Variants in UBE2E2 observed in about 807,000 individuals in gnomAD.
UBE2E2 encodes the protein ubiquitin conjugating enzyme E2 E2.
Under a neutral mutation model 24.7 loss-of-function variants are expected in UBE2E2, and 6 were observed. That is an observed-to-expected ratio of 0.24 (90% CI 0.13 to 0.48). The LOEUF is 0.48. Among genes scored for constraint, UBE2E2 ranks in the 20% least tolerant of loss-of-function variants. The pLI is 0.99. For missense variants in UBE2E2, 169 were observed against 245.0 expected (o/e 0.69, Z 2.07); for synonymous variants, 104 against 83.6 (o/e 1.24, Z -1.33).
At chr3:23,221,727 C>T (rs1696650114) in intron 3 of UBE2E2, among the ~76,000 whole-genome samples, 1 of 152,044 alleles carries the variant, frequency 6.6e-6, no homozygotes, top group African/African-American at 2.4e-5. Context: ...AGCTCCACCT[C>T]CTGGATTCAA....
intron 3 of UBE2E2, among the ~76,000 whole-genome samples, chr3:23,459,445 T>G (rs1698760035): frequency 6.6e-6 from 1 of 152,228 alleles, no homozygotes; most frequent in South Asian, 2.1e-4. Flanking sequence ...TTTTGAGAAC[T>G]TTTAGCTCTT....
chr3:23,208,512 A>G (rs1182602860), intron 1 of UBE2E2, among the ~76,000 whole-genome samples, 180 bp from the exon 2 acceptor site: 2 of 152,200 alleles, frequency 1.3e-5, no homozygotes, highest in Admixed American at 6.5e-5. Flanking sequence ...TTTAGAATAC[A>G]TTTTGAATGG....
intron 5 of UBE2E2, among the ~76,000 whole-genome samples, chr3:23,558,642 A>G (rs1370675907): frequency 6.6e-6 from 1 of 152,168 alleles, no homozygotes; most frequent in African/African-American, 2.4e-5. Flanking sequence ...GGGAGGCATG[A>G]CATATACCAA....
rs78627378 is a variant in UBE2E2 at position 23,288,114 on chromosome 3, A to G, written c.227+70802A>G. On this transcript the variant is annotated intron_variant, in intron 3 of 5. Coordinates refer to ENST00000396703, the MANE Select transcript of UBE2E2 (RefSeq NM_152653.4). ...TTTGCTACATCCTATAGGTTTTGCT[A>G]TGTTGTTTTTCCATTATCATTTGTT... Among the ~76,000 whole-genome samples the G allele has an allele frequency of 7.8e-3, 1,190 of 152,050 alleles. 13 individuals carry two copies. The highest frequency in any genetic ancestry group is 0.026 in the African/African-American group (1,081 of 41,492).
intron 3 of UBE2E2, among the ~76,000 whole-genome samples, chr3:23,325,440 G>T (rs1575561810): frequency 6.6e-6 from 1 of 152,246 alleles, no homozygotes; most frequent in Non-Finnish European, 1.5e-5. Flanking sequence ...TTCTTGACTA[G>T]TGATGACTCT....
chr3:23,218,000 A>G (rs1469433607), intron 3 of UBE2E2, among the ~76,000 whole-genome samples: 3 of 152,088 alleles, frequency 2.0e-5, no homozygotes, highest in East Asian at 3.9e-4. Context: ...CTGTTTGGTT[A>G]TTTTTAAGAC....
intron 3 of UBE2E2, among the ~76,000 whole-genome samples, chr3:23,297,467 A>T (rs1202274112): frequency 6.6e-6 from 1 of 152,126 alleles, no homozygotes; most frequent in Non-Finnish European, 1.5e-5. Flanking sequence ...TCTTTAATCC[A>T]TCTTGAATTA....
At chr3:23,283,252 T>C (rs1299387856) in intron 3 of UBE2E2, among the ~76,000 whole-genome samples, 1 of 152,070 alleles carries the variant, frequency 6.6e-6, no homozygotes, top group African/African-American at 2.4e-5. Context: ...ACTTGGTGAC[T>C]CTACAGATGA....
chr3:23,348,378 G>A (rs931938701), intron 3 of UBE2E2, among the ~76,000 whole-genome samples: 3 of 147,118 alleles, frequency 2.0e-5, no homozygotes, highest in East Asian at 2.2e-4. Context: ...TAGTCCATAG[G>A]CTAAAGCTTA....
At chr3:23,429,682 T>C (rs1304711653) in intron 3 of UBE2E2, among the ~76,000 whole-genome samples, 1 of 152,088 alleles carries the variant, frequency 6.6e-6, no homozygotes, top group African/African-American at 2.4e-5. Flanking sequence ...TGTAGTGAGA[T>C]AGGAAAAGGG....
chr3:23,313,558 T>C (rs959715478), intron 3 of UBE2E2, among the ~76,000 whole-genome samples: 5 of 152,034 alleles, frequency 3.3e-5, no homozygotes, highest in African/African-American at 1.2e-4. Context: ...CTAATTTTTG[T>C]GTTTTTAGTA....
rs35038477 is a variant in UBE2E2, at chr3:23,348,347, C to CAAAAAAAAAA, written c.227+131043_227+131052dup. Among the ~76,000 whole-genome samples the CAAAAAAAAAA allele has an allele frequency of 2.0e-4, 25 of 121,966 alleles. No individual in the cohort carries two copies. The East Asian group carries it at 2.3e-3, about 11-fold the overall frequency. The allele number at this position is 121,966 out of a possible 152,430, so 80.0% of individuals were successfully genotyped here. A position where few individuals can be genotyped will look rare whatever the true frequency, so the allele number is the denominator to read the frequency against. ...GAATAAAATGAGCCTGTGCTGCTTTCAAAAAAAAAAAAAAAAAGAATAGTC... is the reference window on the plus strand; with the variant it reads ...GAATAAAATGAGCCTGTGCTGCTTTCAAAAAAAAAAAAAAAAAAAAAAAAAAAGAATAGTC... On this transcript the variant is annotated intron_variant, in intron 3 of 5. Coordinates refer to ENST00000396703, the MANE Select transcript of UBE2E2 (RefSeq NM_152653.4).
chr3:23,360,544 A>G (rs910720766), intron 3 of UBE2E2, among the ~76,000 whole-genome samples: 1 of 152,192 alleles, frequency 6.6e-6, no homozygotes, highest in African/African-American at 2.4e-5. Context: ...GCATAGAAGA[A>G]GAGATAATAA....
intron 4 of UBE2E2, among the ~76,000 whole-genome samples, chr3:23,529,512 T>G (rs1194071844): frequency 6.6e-6 from 1 of 152,238 alleles, no homozygotes; most frequent in South Asian, 2.1e-4. Context: ...CGTAGGCTTT[T>G]GGATCAGCAC....
chr3:23,415,041 C>T (rs1292827424), intron 3 of UBE2E2, among the ~76,000 whole-genome samples: 1 of 152,206 alleles, frequency 6.6e-6, no homozygotes, highest in Non-Finnish European at 1.5e-5. Context: ...AGGTGTGAAG[C>T]TACTGGACTT....
chr3:23,297,037 A>T (rs1284630944), intron 3 of UBE2E2, among the ~76,000 whole-genome samples: 4 of 152,018 alleles, frequency 2.6e-5, no homozygotes, highest in African/African-American at 7.3e-5. Context: ...TGTGGTTTTG[A>T]TTTGCATTTC....
intron 3 of UBE2E2, among the ~76,000 whole-genome samples, chr3:23,257,164 T>TC (rs923358296): frequency 9.9e-5 from 15 of 152,200 alleles, no homozygotes; most frequent in African/African-American, 3.4e-4. Context: ...GTGTGGGTCT[T>TC]CATCTTTCAG....
intron 4 of UBE2E2, among the ~76,000 whole-genome samples, chr3:23,521,517 G>A (rs1694867057): frequency 6.6e-6 from 1 of 152,194 alleles, no homozygotes; most frequent in Non-Finnish European, 1.5e-5. Flanking sequence ...AGTACTAATT[G>A]ATAAATAAGT....
rs1422103304 is a variant in UBE2E2 at position 23,449,944 on chromosome 3, G to A, written c.228-49664G>A. The A allele has an allele frequency of 1.1e-5, 11 of 985,230 alleles. No homozygotes were observed. In the South Asian group the frequency reaches 1.9e-4, roughly 17 times the overall value. 61.0% of individuals were successfully genotyped at this position (985,230 alleles called of 1,614,324 possible). A position where few individuals can be genotyped will look rare whatever the true frequency, so the allele number is the denominator to read the frequency against. ...CCCCCTAGTGAGGAAATGTACCCCT[G>A]AAGAGGCATCCTCCTGGCCACTGGG... On this transcript the variant is annotated intron_variant, in intron 3 of 5. Transcript: ENST00000396703.
Sources: allele counts gnomAD v4.1 joint callset (sites outside exome capture counted in the v4.1 genomes callset), GRCh38; gene constraint gnomAD v4.1.1; transcripts MANE v1.5; gene names NCBI Gene and HGNC (gene_info 2026-07-23, HGNC 2026-07-21).